ATXN10: variants seen among roughly 807,000 people sequenced by gnomAD.
ATXN10 encodes ataxin-10.
In ATXN10, 28 loss-of-function variants were observed where a neutral mutation model predicts 52.9. The ratio of observed to expected loss-of-function variants is 0.53; its 90% CI spans 0.39 to 0.73. The LOEUF is 0.73. Ranked by LOEUF, ATXN10 falls within the 30% of genes least tolerant of loss-of-function variation. The pLI, the probability that ATXN10 is intolerant of heterozygous loss-of-function variation, is 0.00. For synonymous variants in ATXN10, 226 were observed against 221.5 expected, an observed-to-expected ratio of 1.02 and a Z score of -0.18; for missense variants, 565 against 577.0, an observed-to-expected ratio of 0.98 and a Z score of 0.21.
rs1924537696 is a variant in ATXN10, at chr22:45,718,587, C to T, written c.728+94C>T. ...AAAAGCTGTGTGGTTTCTGAGTTGG[C>T]ACAGAATCTCTAAATACATGTTTCT... On this transcript the variant is annotated intron_variant, in intron 6 of 11. Transcript: ENST00000252934. The surrounding 1 kb of genome is among the most constrained non-coding windows in gnomAD (Gnocchi z 4.4). The T allele has an allele frequency of 9.1e-7, 1 of 1,102,076 alleles. No individual in the cohort carries two copies. Among genetic ancestry groups the T allele is most frequent in the African/African-American group, 1.5e-5 (1 of 64,752 alleles). The allele number at this position is 1,102,076 out of a possible 1,614,324, so 68.3% of individuals were successfully genotyped here.
rs1160498623 is a variant in ATXN10 at position 45,733,775 on chromosome 22, CA to C, written c.894+4188del. Among the ~76,000 whole-genome samples the C allele has an allele frequency of 1.3e-5, 2 of 151,050 alleles. No homozygotes were observed. Among genetic ancestry groups the C allele is most frequent in the African/African-American group, 4.9e-5 (2 of 41,216 alleles). On this transcript the variant is annotated intron_variant, in intron 7 of 11. Coordinates refer to ENST00000252934, the MANE Select transcript of ATXN10 (RefSeq NM_013236.4). The surrounding 1 kb of genome is among the most constrained non-coding windows in gnomAD (Gnocchi z 4.4). The stretch of plus-strand genomic sequence containing the variant: ...CCATCTTAAAAAAAAAAAAAAGTTA[CA>C]AAGTTTTCCCCTTTTTGCCCAGCCT...
At chr22:45,810,592 T>A (rs925994919) in intron 10 of ATXN10, among the ~76,000 whole-genome samples, 4 of 152,248 alleles carry the variant, frequency 2.6e-5, no homozygotes, top group African/African-American at 9.6e-5. Context: ...AGAATTGACA[T>A]ACAGTACTTA....
chr22:45,680,051 T>G (rs1345188911), intron 1 of ATXN10: 1 of 152,220 alleles, frequency 6.6e-6, no homozygotes. Flanking sequence ...GTCACTGGAC[T>G]GTGGGCAATG....
rs181456714 is a variant in ATXN10, at chr22:45,732,199, C to T, written c.894+2609C>T. ...GGGAACAGTGGCTCATGCCCGTAAT[C>T]CCAATACTTTGGGACGCCAAGGCGT... On this transcript the variant is annotated intron_variant, in intron 7 of 11. Transcript: ENST00000252934. The surrounding 1 kb of genome is among the most constrained non-coding windows in gnomAD (Gnocchi z 4.5). Among the ~76,000 whole-genome samples the T allele has an allele frequency of 3.3e-5, 5 of 152,218 alleles. No homozygotes were observed. Among genetic ancestry groups the T allele is most frequent in the Admixed American group, 2.6e-4 (4 of 15,294 alleles).
chr22:45,804,253 T>C (rs778117877), intron 9 of ATXN10, among the ~76,000 whole-genome samples: 1 of 152,168 alleles, frequency 6.6e-6, no homozygotes, highest in Non-Finnish European at 1.5e-5. Context: ...TGAGCCTCAC[T>C]TTTTTATCTG....
rs143344336 is a variant in ATXN10, at chr22:45,826,566, A to G, written c.1238-16425A>G. 2.1e-3 allele frequency among the ~76,000 whole-genome samples: 314 copies of G among 152,358 alleles called. 3 individuals are homozygous for G. Among genetic ancestry groups the G allele is most frequent in the African/African-American group, 7.0e-3 (293 of 41,576 alleles). Reference sequence around the variant, plus strand: ...AGAAGCAGCCCATCACATGCAAGAGATAATCCATAGGATTACCAGCAGTTT... The same window carrying G: ...AGAAGCAGCCCATCACATGCAAGAGGTAATCCATAGGATTACCAGCAGTTT... On this transcript the variant is annotated intron_variant, in intron 10 of 11. Transcript: ENST00000252934. The surrounding 1 kb of genome is among the most constrained non-coding windows in gnomAD (Gnocchi z 5.0).
At chr22:45,704,868 A>G (rs550140668) in intron 5 of ATXN10, among the ~76,000 whole-genome samples, 2 of 152,328 alleles carry the variant, frequency 1.3e-5, no homozygotes, top group African/African-American at 2.4e-5. Context: ...TTAGTGGGGC[A>G]GTCTTTCAGT....
chr22:45,830,945 A>C (rs1413373395), intron 10 of ATXN10, among the ~76,000 whole-genome samples: 1 of 152,222 alleles, frequency 6.6e-6, no homozygotes, highest in East Asian at 1.9e-4. Flanking sequence ...GCAGTAGCCA[A>C]AAGGTAGAAG....
intron 6 of ATXN10, among the ~76,000 whole-genome samples, chr22:45,724,955 A>G (rs1355651111): frequency 6.6e-6 from 1 of 152,018 alleles, no homozygotes; most frequent in Non-Finnish European, 1.5e-5. Context: ...ATGGAAGGTT[A>G]GTTGATTGTA....
intron 9 of ATXN10, among the ~76,000 whole-genome samples, chr22:45,748,173 T>G (rs1251196720): frequency 6.7e-6 from 1 of 150,270 alleles, no homozygotes; most frequent in African/African-American, 2.4e-5. Context: ...AGCGAGACTC[T>G]GTCTTTAAAA....
At chr22:45,753,425 T>C (rs1926062091) in intron 9 of ATXN10, among the ~76,000 whole-genome samples, 2 of 98,050 alleles carry the variant, frequency 2.0e-5, no homozygotes, top group South Asian at 7.8e-4. Flanking sequence ...TTTTTTTTTT[T>C]GAGACAGAGT....
In ATXN10 at chr22:45,843,635, A is replaced by G. The variant is rs1028736491; in HGVS notation, c.1426-34A>G. Reference sequence around the variant, plus strand: ...GATGAATCTTGTGAACAGATTTGCTACATCTGCAATTTTGTTTCTTTCTTC... The same window carrying G: ...GATGAATCTTGTGAACAGATTTGCTGCATCTGCAATTTTGTTTCTTTCTTC... On this transcript the variant is annotated intron_variant, in intron 11 of 11. Coordinates refer to ENST00000252934, the MANE Select transcript of ATXN10 (RefSeq NM_013236.4). This position sits in a 1 kb window ranked among gnomAD's most constrained non-coding sequence, Gnocchi z 4.5. 4 of 1,608,318 alleles carry G rather than the reference A, an allele frequency of 2.5e-6. No individual in the cohort carries two copies. The African/African-American group carries it at 4.0e-5, about 16-fold the overall frequency.
intron 9 of ATXN10, among the ~76,000 whole-genome samples, chr22:45,755,693 C>A (rs973821189): frequency 1.3e-5 from 2 of 152,054 alleles, no homozygotes; most frequent in Non-Finnish European, 2.9e-5. Flanking sequence ...TATTCAAGAC[C>A]CTGAAAAAGT....
intron 10 of ATXN10, among the ~76,000 whole-genome samples, chr22:45,807,476 C>T (rs3788677): frequency 0.089 from 13,517 of 152,228 alleles, 770 homozygotes; most frequent in Middle Eastern, 0.15. Flanking sequence ...CTCTGGCTCC[C>T]TAGCAAGAGG....
At chr22:45,830,065 C>G (rs986546557) in intron 10 of ATXN10, among the ~76,000 whole-genome samples, 2 of 152,144 alleles carry the variant, frequency 1.3e-5, no homozygotes, top group African/African-American at 4.8e-5. Context: ...GATAAATCTC[C>G]ACAAATGTAG....
rs1321856592 is a variant in ATXN10, at chr22:45,732,834, G to A, written c.894+3244G>A. Among the ~76,000 whole-genome samples, 2 of 152,110 alleles carry A rather than the reference G, an allele frequency of 1.3e-5. No individual in the cohort carries two copies. The highest frequency in any genetic ancestry group is 4.8e-5 in the African/African-American group (2 of 41,418). On this transcript the variant is annotated intron_variant, in intron 7 of 11. Coordinates refer to ENST00000252934, the MANE Select transcript of ATXN10 (RefSeq NM_013236.4). The surrounding 1 kb of genome is among the most constrained non-coding windows in gnomAD (Gnocchi z 4.5). ...CCAGCCATTCTTCTGCCAAACCACT[G>A]CATTTACTCATTGGTGATCTTTTTA...
intron 10 of ATXN10, among the ~76,000 whole-genome samples, chr22:45,821,799 T>A (rs1380749774): frequency 6.6e-6 from 1 of 152,242 alleles, no homozygotes; most frequent in Non-Finnish European, 1.5e-5. Context: ...CATCCTAGTT[T>A]TTTTAAAACT....
rs1928577221 is a variant in ATXN10, at chr22:45,819,404, C to T, written c.1237+12382C>T. Among the ~76,000 whole-genome samples the T allele has an allele frequency of 6.6e-6, 1 of 152,212 alleles. No individual in the cohort carries two copies. Among genetic ancestry groups the T allele is most frequent in the South Asian group, 2.1e-4 (1 of 4,824 alleles). ...TGCCTCTGTGGGTAGGAAGCACACT[C>T]TGATTCCACTGAGCCTGTCTCTGCA... On this transcript the variant is annotated intron_variant, in intron 10 of 11. Coordinates refer to ENST00000252934, the MANE Select transcript of ATXN10 (RefSeq NM_013236.4). The surrounding 1 kb of genome is among the most constrained non-coding windows in gnomAD (Gnocchi z 4.5).
intron 9 of ATXN10, among the ~76,000 whole-genome samples, chr22:45,797,584 A>G (rs1210782061): frequency 2.0e-5 from 3 of 152,244 alleles, no homozygotes; most frequent in Non-Finnish European, 4.4e-5. Context: ...AATACATGAG[A>G]AAACAAGACA....
Sources: allele counts gnomAD v4.1 joint callset (sites outside exome capture counted in the v4.1 genomes callset), GRCh38; gene constraint gnomAD v4.1.1; non-coding constraint Gnocchi (gnomAD v3.1); transcripts MANE v1.5; gene names NCBI Gene and HGNC (gene_info 2026-07-23, HGNC 2026-07-21).